CPT1A: variants seen among roughly 807,000 people sequenced by gnomAD.
The protein encoded by CPT1A is carnitine O-palmitoyltransferase 1, liver isoform.
In CPT1A, 64 loss-of-function variants were observed where a neutral mutation model predicts 100.8. That is an observed-to-expected ratio of 0.63 (90% confidence interval 0.52 to 0.78). The LOEUF is 0.78. Among genes scored for constraint, CPT1A ranks in the 30% least tolerant of loss-of-function variants. The pLI is 0.00. For synonymous variants in CPT1A, 363 were observed against 396.0 expected, an observed-to-expected ratio of 0.92 and a Z score of 0.99; for missense variants, 802 against 1,034.1, an observed-to-expected ratio of 0.78 and a Z score of 3.08.
intron 1 of CPT1A, among the ~76,000 whole-genome samples, chr11:68,821,033 C>T (rs940128741): frequency 1.3e-4 from 20 of 152,310 alleles, no homozygotes; most frequent in African/African-American, 4.6e-4. Context: ...CTCGCTCTGT[C>T]CCCCAGGTGG....
At chr11:68,761,146 C>A (rs1298355801) in intron 16 of CPT1A, among the ~76,000 whole-genome samples, 1 of 151,174 alleles carries the variant, frequency 6.6e-6, no homozygotes, top group African/African-American at 2.4e-5. Flanking sequence ...GAGTTTGAGC[C>A]CAGCCTGGGC....
chr11:68,791,146 A>T (rs1273199331), intron 9 of CPT1A, among the ~76,000 whole-genome samples: 1 of 152,154 alleles, frequency 6.6e-6, no homozygotes, highest in Non-Finnish European at 1.5e-5. Context: ...TTTTTTAAAC[A>T]CATACATATT....
In CPT1A at chr11:68,756,525, G is replaced by A. The variant is rs910268006; in HGVS notation, c.*1119C>T. On this transcript the variant is annotated 3_prime_UTR_variant, in exon 19 of 19. Transcript: ENST00000265641. ...CCTCTGGTGAGTCTTTCCCCTCACC[G>A]GGTGGGAGGAGAAGGCCATCCCTTG... is the stretch of plus-strand genomic sequence containing the variant. 6.6e-6 allele frequency: 1 copy of A among 152,130 alleles called. No homozygotes were observed. Among genetic ancestry groups the A allele is most frequent in the African/African-American group, 2.4e-5 (1 of 41,428 alleles). The allele number at this position is 152,130 out of a possible 1,614,324, so 9.4% of individuals were successfully genotyped here.
chr11:68,774,047 A>G (rs1345361037), intron 13 of CPT1A, among the ~76,000 whole-genome samples: 1 of 152,216 alleles, frequency 6.6e-6, no homozygotes, highest in Non-Finnish European at 1.5e-5. Context: ...AGGAATTGGG[A>G]GAAGTAACAC....
rs1177976460 is a variant in CPT1A at position 68,838,571 on chromosome 11, T to TAAAAAAAAAAAAAAAAAAAAAA, written c.-14+3203_-14+3204insTTTTTTTTTTTTTTTTTTTTTT. ...GACTCTACTCTGTATCTGCACCTTT[T>TAAAAAAAAAAAAAAAAAAAAAA]TAAAAAAAAAAAAAAAAAAACAGAG... On this transcript the variant is annotated intron_variant, in intron 1 of 18. Coordinates refer to ENST00000265641, the MANE Select transcript of CPT1A (RefSeq NM_001876.4). 2.2e-4 allele frequency among the ~76,000 whole-genome samples: 16 copies of TAAAAAAAAAAAAAAAAAAAAAA among 74,228 alleles called. 3 individuals carry two copies. Among genetic ancestry groups the TAAAAAAAAAAAAAAAAAAAAAA allele is most frequent in the African/African-American group, 1.1e-3 (12 of 10,736 alleles). The allele number at this position is 74,228 out of a possible 152,430, so 48.7% of individuals were successfully genotyped here.
chr11:68,792,114 C>T (rs1052496131), intron 9 of CPT1A, among the ~76,000 whole-genome samples: 3 of 151,814 alleles, frequency 2.0e-5, no homozygotes, highest in Admixed American at 1.3e-4. Context: ...CGAGGTGGGA[C>T]GATCACGAGG....
rs369335615 is a variant in CPT1A at position 68,774,924 on chromosome 11, A to G, written c.1575+392T>C. Among the ~76,000 whole-genome samples, 7 of 152,042 alleles carry G rather than the reference A, an allele frequency of 4.6e-5. No individual in the cohort carries two copies. In the East Asian group the frequency reaches 1.2e-3, roughly 25 times the overall value. On this transcript the variant is annotated intron_variant, in intron 13 of 18. Transcript: ENST00000265641. The stretch of plus-strand genomic sequence containing the variant: ...TCCTGTGAATGGGCTGCCTCTGAGC[A>G]TGTTTAAGAGGTGCCAAAATGAATT...
chr11:68,767,888 C>T lies in CPT1A; in HGVS notation c.1741-5127G>A, dbSNP rs1366957573. 2.0e-5 allele frequency among the ~76,000 whole-genome samples: 3 copies of T among 152,076 alleles called. No individual in the cohort carries two copies. In the East Asian group the frequency reaches 5.8e-4, roughly 29 times the overall value. On this transcript the variant is annotated intron_variant, in intron 14 of 18. Transcript: ENST00000265641. Reference sequence around the variant, plus strand: ...CTCTTGCATCATGGGAATTCCGTAACGTGGCCACGCCCTCCCTTCCTTCCC... The same window carrying T: ...CTCTTGCATCATGGGAATTCCGTAATGTGGCCACGCCCTCCCTTCCTTCCC...
intron 4 of CPT1A, among the ~76,000 whole-genome samples, chr11:68,805,318 G>T (rs1298289931): frequency 6.6e-6 from 1 of 152,068 alleles, no homozygotes; most frequent in African/African-American, 2.4e-5. Flanking sequence ...GGGCGTGGTG[G>T]TGTGTGCCTG....
rs1323140599 is a variant in CPT1A, at chr11:68,782,570, G to A, written c.1164-611C>T. ...CCTCCACAAGGAGGTCTCCGTGCCC[G>A]TCTTATTTGAATACACAGAACTGGT... On this transcript the variant is annotated intron_variant, in intron 10 of 18. Coordinates refer to ENST00000265641, the MANE Select transcript of CPT1A (RefSeq NM_001876.4). 1.1e-4 allele frequency among the ~76,000 whole-genome samples: 16 copies of A among 152,272 alleles called. 1 individual carries two copies. The highest frequency in any genetic ancestry group is 2.9e-4 in the African/African-American group (12 of 41,540).
chr11:68,802,896 CAAAAAAAAAA>C (rs901808584), intron 5 of CPT1A, among the ~76,000 whole-genome samples: 2 of 44,974 alleles, frequency 4.4e-5, no homozygotes, highest in African/African-American at 1.2e-4. Context: ...GACCCTGTCT[CAAAAAAAAAA>C]AAAAAAAAAA....
At chr11:68,809,915 C>T (rs112061980) in intron 3 of CPT1A, among the ~76,000 whole-genome samples, 7,659 of 152,248 alleles carry the variant, frequency 0.05, 634 homozygotes, top group African/African-American at 0.17. Context: ...CAGTGGCTCA[C>T]GCCTGTAATC....
chr11:68,809,597 T>C (rs908076042), intron 3 of CPT1A, among the ~76,000 whole-genome samples: 1 of 152,000 alleles, frequency 6.6e-6, no homozygotes, highest in Admixed American at 6.6e-5. Context: ...CCTCCCAAAG[T>C]GCTGGAATTA....
upstream of CPT1A, chr11:68,841,981 C>G: frequency 3.0e-6 from 3 of 985,246 alleles, no homozygotes; most frequent in Non-Finnish European, 3.6e-6. The surrounding 1 kb of genome is among the most constrained non-coding windows in gnomAD (Gnocchi z 6.3). Flanking sequence ...AGGGCGGGCC[C>G]GGGGCCTCGG....
chr11:68,812,116 C>T (rs901916496), intron 3 of CPT1A, among the ~76,000 whole-genome samples: 1 of 152,168 alleles, frequency 6.6e-6, no homozygotes, highest in African/African-American at 2.4e-5. Flanking sequence ...GCAGAAATTC[C>T]ATTTCAGAGC....
chr11:68,763,666 G>A (rs1236270049), intron 14 of CPT1A, among the ~76,000 whole-genome samples: 4 of 152,286 alleles, frequency 2.6e-5, no homozygotes, highest in East Asian at 3.9e-4. Flanking sequence ...AGAAGAAAGC[G>A]GGCCTGCTGA....
In CPT1A at chr11:68,775,297, T is replaced by C. The variant is rs774040752; in HGVS notation, c.1575+19A>G. On this transcript the variant is annotated intron_variant, in intron 13 of 18. Transcript: ENST00000265641. ...TCCCATCCCAGGTAAGTAACAATGG[T>C]TGGATAATCCGGACTTACTTCCCCC... 2 of 1,574,928 alleles carry C rather than the reference T, an allele frequency of 1.3e-6. No individual in the cohort carries two copies. Among genetic ancestry groups the C allele is most frequent in the South Asian group, 2.2e-5 (2 of 90,306 alleles).
At position 68,801,260 on chromosome 11, in the gene CPT1A, C is replaced by G. The variant is rs190158197; in HGVS notation, c.556-1905G>C. 4.2e-3 allele frequency among the ~76,000 whole-genome samples: 635 copies of G among 152,290 alleles called. 8 individuals are homozygous for G. The highest frequency in any genetic ancestry group is 0.011 in the South Asian group (51 of 4,830). Reference sequence around the variant, plus strand: ...ACAGAGGTCACTGAAGGTCAAGCATCTCTTGCTCACCCCATCCTGCCAGTG... The same window carrying G: ...ACAGAGGTCACTGAAGGTCAAGCATGTCTTGCTCACCCCATCCTGCCAGTG... On this transcript the variant is annotated intron_variant, in intron 5 of 18. Transcript: ENST00000265641.
At chr11:68,782,934 G>A (rs1176402143) in intron 10 of CPT1A, among the ~76,000 whole-genome samples, 1 of 152,138 alleles carries the variant, frequency 6.6e-6, no homozygotes, top group African/African-American at 2.4e-5. Flanking sequence ...GGACCGAGGC[G>A]CCTACAGACC....
Sources: gnomAD v4.1 joint callset for allele counts (sites outside exome capture counted in the v4.1 genomes callset) on GRCh38, gnomAD v4.1.1 for gene constraint, Gnocchi (gnomAD v3.1) non-coding constraint, MANE v1.5 for transcripts, NCBI Gene and HGNC (gene_info 2026-07-23, HGNC 2026-07-21) for gene names.